Variants in DNMT3L observed in about 807,000 individuals in gnomAD.
The protein encoded by DNMT3L is DNA (cytosine-5)-methyltransferase 3-like.
In DNMT3L, 33 loss-of-function variants were observed where a neutral mutation model predicts 36.2. The ratio of observed to expected loss-of-function variants is 0.91; its 90% CI spans 0.69 to 1.22. DNMT3L has a LOEUF of 1.22. DNMT3L is among the 50% of genes most tolerant of loss of function. DNMT3L has a pLI of 0.00. For synonymous variants in DNMT3L, 117 were observed against 121.7 expected (o/e 0.96, Z 0.26); for missense variants, 310 against 303.1 (o/e 1.02, Z -0.17).
intron 6 of DNMT3L, 68 bp from the exon 7 acceptor site, chr21:44,256,222 T>A: frequency 6.6e-7 from 1 of 1,526,066 alleles, no homozygotes; most frequent in Non-Finnish European, 9.1e-7. Flanking sequence ...TGAGTTACAA[T>A]GAAAATTCTT....
intron 6 of DNMT3L, among the ~76,000 whole-genome samples, chr21:44,256,518 G>A (rs750092798): frequency 1.2e-4 from 17 of 147,382 alleles, no homozygotes; most frequent in Non-Finnish European, 1.8e-4. Context: ...TCCGCCTCCC[G>A]GGTTCAAGCG....
intron 8 of DNMT3L, among the ~76,000 whole-genome samples, chr21:44,254,022 C>T (rs1407511387): frequency 9.8e-5 from 15 of 152,288 alleles, no homozygotes; most frequent in Middle Eastern, 3.4e-3. Context: ...GGTCCCAGGC[C>T]GGGAGCCCCC....
chr21:44,255,739 T>C (rs1305917306), intron 7 of DNMT3L, among the ~76,000 whole-genome samples: 2 of 152,200 alleles, frequency 1.3e-5, no homozygotes, highest in African/African-American at 4.8e-5. Flanking sequence ...CCTGATCGGC[T>C]GCATGGGGCA....
rs781655486 is a variant in DNMT3L at position 44,261,162 on chromosome 21, G to A, written c.98C>T (p.Thr33Ile). 3.1e-6 allele frequency: 5 copies of A among 1,612,590 alleles called. No homozygotes were observed. Among genetic ancestry groups the A allele is most frequent in the Non-Finnish European group, 8.5e-7 (1 of 1,179,900 alleles). Residue 33 changes from threonine to isoleucine, a missense_variant, in exon 2 of 12, where the codon ACA becomes ATA. Physicochemically the swap from Thr to Ile is moderately conservative, Grantham distance 89. Coordinates refer to ENST00000628202, the MANE Select transcript of DNMT3L (RefSeq NM_175867.3). ...AGCAGATGAGCCCTCACCTCTGCCT[G>A]TCCCGGGTGAAACGGAGCTTGAGAG... ...SELSSSVSPG[T>I]GRDLIAYEVK...
chr21:44,260,448 G>A (rs749853378), intron 3 of DNMT3L, among the ~76,000 whole-genome samples: 41 of 152,084 alleles, frequency 2.7e-4, no homozygotes, highest in Non-Finnish European at 4.6e-4. Flanking sequence ...AGGGATACAC[G>A]TGGCACAGTG....
At position 44,259,526 on chromosome 21, in the gene DNMT3L, G is replaced by T. The variant is rs777479293; in HGVS notation, c.255C>A (p.Phe85Leu). Reference sequence around the variant, plus strand: ...ATTGGTACCCGTCATCGTCGTACAGGAAGAGGGCATCCAGGAACTTGTCCT... The same window carrying T: ...ATTGGTACCCGTCATCGTCGTACAGTAAGAGGGCATCCAGGAACTTGTCCT... Reference protein sequence around the residue: ...PCKDKFLDALFLYDDDGYQSY... With the variant: ...PCKDKFLDALLLYDDDGYQSY... The change falls in exon 5 of 12, where the codon TTC becomes TTA. Residue 85 changes from phenylalanine (F) to leucine (L), a missense_variant. Physicochemically the swap from Phe to Leu is conservative, Grantham distance 22 (BLOSUM62 0). Coordinates refer to ENST00000628202, the MANE Select transcript of DNMT3L (RefSeq NM_175867.3). The T allele has an allele frequency of 6.2e-7, 1 of 1,613,734 alleles. No individual in the cohort carries two copies. The highest frequency in any genetic ancestry group is 2.2e-5 in the East Asian group (1 of 44,880).
At chr21:44,257,769 G>C (rs1199089936) in intron 6 of DNMT3L, among the ~76,000 whole-genome samples, 5 of 152,144 alleles carry the variant, frequency 3.3e-5, no homozygotes, top group Non-Finnish European at 5.9e-5. Flanking sequence ...TTCTTTCACA[G>C]CTCAGGAGGC....
In DNMT3L at chr21:44,257,693, AAAATAAAT is replaced by A. The variant is rs1223537861; in HGVS notation, c.516+822_516+829del. Among the ~76,000 whole-genome samples the A allele has an allele frequency of 4.6e-3, 417 of 91,540 alleles. 6 individuals carry two copies. The highest frequency in any genetic ancestry group is 0.012 in the Middle Eastern group (2 of 168). 60.1% of individuals were successfully genotyped at this position (91,540 alleles called of 152,430 possible). ...GAGACTCCGTCTCAAAAAAAAAAAA[AAAATAAAT>A]AAATAAATAAATAAATAAATAAAAA... On this transcript the variant is annotated intron_variant, in intron 6 of 11. Transcript: ENST00000628202.
At chr21:44,260,115 G>A (rs2040303959) in intron 3 of DNMT3L, among the ~76,000 whole-genome samples, 2 of 151,358 alleles carry the variant, frequency 1.3e-5, no homozygotes, top group Non-Finnish European at 2.9e-5. Flanking sequence ...TCCCCAAATG[G>A]AGCTGCAGAG....
At position 44,259,551 on chromosome 21, in the gene DNMT3L, T is replaced by G. The variant is rs2040298109; in HGVS notation, c.232-2A>C. ...GAAGAGGGCATCCAGGAACTTGTCC[T>G]TGGAAGGAGCAAAGCAAGGCTGGCT... On this transcript the variant is annotated splice_acceptor_variant, in intron 4 of 11. Transcript: ENST00000628202. LOFTEE classifies it high-confidence loss of function. The G allele has an allele frequency of 3.7e-6, 6 of 1,613,552 alleles. No homozygotes were observed. Among genetic ancestry groups the G allele is most frequent in the Non-Finnish European group, 5.1e-6 (6 of 1,180,006 alleles).
At chr21:44,256,832 TC>T in intron 6 of DNMT3L, among the ~76,000 whole-genome samples, 1 of 152,264 alleles carries the variant, frequency 6.6e-6, no homozygotes, top group African/African-American at 2.4e-5. Flanking sequence ...GGCCCAAAAC[TC>T]GGGGGCCTCG....
rs915959601 is a variant in DNMT3L at position 44,259,386 on chromosome 21, A to G, written c.344+51T>C. 14 of 1,557,552 alleles carry G rather than the reference A, an allele frequency of 9.0e-6. No homozygotes were observed. The East Asian group carries it at 2.7e-4, about 30-fold the overall frequency. On this transcript the variant is annotated intron_variant, in intron 5 of 11. Transcript: ENST00000628202. ...CACTCCAGAATGAGTAGCTGAAAGG[A>G]TGGGTGTGTCCTCAGCCCCTTCACC...
At chr21:44,256,802 G>A (rs2040262633) in intron 6 of DNMT3L, among the ~76,000 whole-genome samples, 1 of 152,138 alleles carries the variant, frequency 6.6e-6, no homozygotes, top group African/African-American at 2.4e-5. Context: ...CATGCTCCCT[G>A]TTAAAGGGCC....
rs1457053730 is a variant in DNMT3L at position 44,258,988 on chromosome 21, G to A, written c.345-294C>T. Among the ~76,000 whole-genome samples the A allele has an allele frequency of 6.6e-6, 1 of 152,156 alleles. No individual in the cohort carries two copies. Among genetic ancestry groups the A allele is most frequent in the African/African-American group, 2.4e-5 (1 of 41,438 alleles). Reference sequence around the variant, plus strand: ...AACTCGAGCCTGCAGAAACAGCGTAGGGACTCCCAGCAAAACCAAATGTAG... The same window carrying A: ...AACTCGAGCCTGCAGAAACAGCGTAAGGACTCCCAGCAAAACCAAATGTAG... On this transcript the variant is annotated intron_variant, in intron 5 of 11. Transcript: ENST00000628202. This position sits in a 1 kb window ranked among gnomAD's most constrained non-coding sequence, Gnocchi z 6.2.
Position 44,254,690 on chromosome 21 carries a change from C to T in DNMT3L, c.620G>A (p.Gly207Asp). 1 of 1,613,950 alleles carries T rather than the reference C, an allele frequency of 6.2e-7. No individual in the cohort carries two copies. Among genetic ancestry groups the T allele is most frequent in the Non-Finnish European group, 8.5e-7 (1 of 1,179,974 alleles). ...CGGGTCAGAACCACTTTCCAAAAAG[C>T]CCAAACTCGTCAGCTCTGGATGGGG... is the stretch of plus-strand genomic sequence containing the variant. ...EDIKKELTSL[G>D]FLESGSDPGQ... The change falls in exon 8 of 12, where the codon GGC (glycine) becomes GAC (aspartate). Residue 207 changes from glycine (G) to aspartate (D), a missense_variant. Physicochemically the swap from Gly to Asp is moderately conservative, Grantham distance 94 (BLOSUM62 -1). Coordinates refer to ENST00000628202, the MANE Select transcript of DNMT3L (RefSeq NM_175867.3).
Position 44,258,800 on chromosome 21 carries a change from T to C in DNMT3L, c.345-106A>G. 6.9e-7 allele frequency: 1 copy of C among 1,442,748 alleles called. No individual in the cohort carries two copies. The highest frequency in any genetic ancestry group is 9.3e-7 in the Non-Finnish European group (1 of 1,079,602). The allele number at this position is 1,442,748 out of a possible 1,614,324, so 89.4% of individuals were successfully genotyped here. On this transcript the variant is annotated intron_variant, in intron 5 of 11. Coordinates refer to ENST00000628202, the MANE Select transcript of DNMT3L (RefSeq NM_175867.3). The surrounding 1 kb of genome is among the most constrained non-coding windows in gnomAD (Gnocchi z 6.2). ...CTTGTTTTGGAGGGAAAAGTCACGCTGGAGCTCCCTTTGGGAAGACCAGGT... is the reference window on the plus strand; with the variant it reads ...CTTGTTTTGGAGGGAAAAGTCACGCCGGAGCTCCCTTTGGGAAGACCAGGT...
In DNMT3L at chr21:44,254,723, A is replaced by G; in HGVS notation, c.605-18T>C. ...CGTCAGCTCTGGATGGGGAGAGACC[A>G]GAAGGGCCCAGAGGGTGAGCGTGGA... On this transcript the variant is annotated intron_variant, in intron 7 of 11. Coordinates refer to ENST00000628202, the MANE Select transcript of DNMT3L (RefSeq NM_175867.3). 1 of 1,613,628 alleles carries G rather than the reference A, an allele frequency of 6.2e-7. No homozygotes were observed. The highest frequency in any genetic ancestry group is 8.5e-7 in the Non-Finnish European group (1 of 1,179,780).
intron 8 of DNMT3L, among the ~76,000 whole-genome samples, chr21:44,253,685 C>T (rs1397466537): frequency 6.6e-6 from 1 of 152,190 alleles, no homozygotes; most frequent in Non-Finnish European, 1.5e-5. Context: ...TGCCACTACA[C>T]TCTAGCCTGG....
Position 44,258,749 on chromosome 21 carries a change from G to C in DNMT3L, c.345-55C>G, listed in dbSNP as rs897331966. The C allele has an allele frequency of 1.9e-6, 3 of 1,579,596 alleles. No homozygotes were observed. The highest frequency in any genetic ancestry group is 2.7e-5 in the African/African-American group (2 of 74,050). On this transcript the variant is annotated intron_variant, in intron 5 of 11. Transcript: ENST00000628202. The surrounding 1 kb of genome is among the most constrained non-coding windows in gnomAD (Gnocchi z 6.2). Reference sequence around the variant, plus strand: ...GACATGACAGCCCACCTCTCCTGAGGATGGCAGAGGTGGGCCTGATTGAGC... The same window carrying C: ...GACATGACAGCCCACCTCTCCTGAGCATGGCAGAGGTGGGCCTGATTGAGC...
Sources: gnomAD v4.1 joint callset for allele counts (sites outside exome capture counted in the v4.1 genomes callset) on GRCh38, gnomAD v4.1.1 for gene constraint, Gnocchi (gnomAD v3.1) non-coding constraint, MANE v1.5 for transcripts, NCBI Gene and HGNC (gene_info 2026-07-23, HGNC 2026-07-21) for gene names.